PHKA2: variants seen among roughly 807,000 people sequenced by gnomAD.
PHKA2 encodes the protein phosphorylase kinase regulatory subunit alpha 2, also known as phosphorylase b kinase regulatory subunit alpha, liver isoform.
In PHKA2, 31 loss-of-function variants were observed where a neutral mutation model predicts 102.0. That is an observed-to-expected ratio of 0.30 (90% CI 0.23 to 0.41). PHKA2 has a LOEUF of 0.41. Ranked by LOEUF, PHKA2 falls within the 10% of genes least tolerant of loss-of-function variation. The pLI is 1.00. For missense variants in PHKA2, 858 were observed against 1,023.1 expected (o/e 0.84, Z 2.20); for synonymous variants, 455 against 416.2 (o/e 1.09, Z -1.13).
At chrX:18,916,704 T>A (rs2048025321) in intron 19 of PHKA2, among the ~76,000 whole-genome samples, 1 of 111,241 alleles carries the variant, frequency 9.0e-6, no homozygotes, top group South Asian at 3.8e-4. Flanking sequence ...CTGCTCCCCT[T>A]TTGTCTTCCG....
At chrX:18,948,141 C>A (rs1441375843) in intron 5 of PHKA2, among the ~76,000 whole-genome samples, 1 of 111,477 alleles carries the variant, frequency 9.0e-6, no homozygotes, top group Non-Finnish European at 1.9e-5. Flanking sequence ...TCCCCAATAA[C>A]CTATGGAAAT....
At chrX:18,916,145 T>C (rs1202692983) in intron 19 of PHKA2, among the ~76,000 whole-genome samples, 1 of 112,206 alleles carries the variant, frequency 8.9e-6, no homozygotes, top group Non-Finnish European at 1.9e-5. Context: ...CCGGGCACGG[T>C]GGCTCACGCC....
At chrX:18,939,517 G>A (rs764694920) in intron 9 of PHKA2, among the ~76,000 whole-genome samples, 39 of 110,110 alleles carry the variant, frequency 3.5e-4, no homozygotes, top group African/African-American at 1.2e-3. Context: ...TTTTTGAGAC[G>A]GAGTCTCATT....
In PHKA2 at chrX:18,943,798, T is replaced by C; in HGVS notation, c.629A>G (p.Glu210Gly). The change falls in exon 7 of 33, where the codon GAG (glutamate) becomes GGG (glycine). Residue 210 changes from glutamate to glycine, a missense_variant. Glu to Gly is a moderately conservative substitution (Grantham distance 98). Transcript: ENST00000379942. ...SSVGMAKAAL[E>G]AIDELDLFGA... ...AAAAAGGTCCAGTTCATCAATTGCC[T>C]CAAGAGCTGCCTACAAACACAGGTA... 2 of 1,200,036 alleles carry C rather than the reference T, an allele frequency of 1.7e-6. No homozygotes were observed. Among genetic ancestry groups the C allele is most frequent in the Non-Finnish European group, 2.3e-6 (2 of 884,821 alleles).
chrX:18,920,331 T>C (rs778841807), intron 17 of PHKA2, 130 bp from the exon 18 acceptor site: 16 of 518,003 alleles, frequency 3.1e-5, no homozygotes, highest in Non-Finnish European at 3.5e-6. Flanking sequence ...CTCTGCAGAT[T>C]GCCCCATATA....
intron 11 of PHKA2, among the ~76,000 whole-genome samples, chrX:18,935,536 C>A (rs1274542172): frequency 9.0e-6 from 1 of 111,198 alleles, no homozygotes; most frequent in Admixed American, 9.5e-5. Flanking sequence ...CCAGGATACC[C>A]ATGGTCAAGC....
chrX:18,917,337 C>A (rs1175638579), intron 19 of PHKA2, among the ~76,000 whole-genome samples: 1 of 108,225 alleles, frequency 9.2e-6, no homozygotes, highest in African/African-American at 3.4e-5. Flanking sequence ...CAGCTCACTG[C>A]AACCTCTGCT....
chrX:18,894,416 A>C lies in PHKA2; in HGVS notation c.3337-12T>G. On this transcript the variant is annotated splice_polypyrimidine_tract_variant and intron_variant, in intron 31 of 32. Coordinates refer to ENST00000379942, the MANE Select transcript of PHKA2 (RefSeq NM_000292.3). ...TCATGCGGGGTCATCTACCAAAGGGACAGGCAGGCAACCACCAGTGAGAGG... is the reference window on the plus strand; with the variant it reads ...TCATGCGGGGTCATCTACCAAAGGGCCAGGCAGGCAACCACCAGTGAGAGG... The C allele has an allele frequency of 8.4e-7, 1 of 1,192,074 alleles. No individual in the cohort carries two copies. The highest frequency in any genetic ancestry group is 1.1e-6 in the Non-Finnish European group (1 of 880,031).
At chrX:18,933,957 T>C (rs1447392850) in intron 11 of PHKA2, among the ~76,000 whole-genome samples, 1 of 112,364 alleles carries the variant, frequency 8.9e-6, no homozygotes, top group African/African-American at 3.2e-5. Flanking sequence ...GCATTTACTA[T>C]AGTCAGTAAA....
chrX:18,958,611 C>G (rs1411433377), intron 1 of PHKA2, among the ~76,000 whole-genome samples: 1 of 109,265 alleles, frequency 9.2e-6, no homozygotes, highest in African/African-American at 3.3e-5. Flanking sequence ...TCCCTGACTA[C>G]CAGTGAATTT....
intron 7 of PHKA2, among the ~76,000 whole-genome samples, chrX:18,942,458 G>A (rs985791057): frequency 9.0e-6 from 1 of 111,551 alleles, no homozygotes; most frequent in Non-Finnish European, 1.9e-5. Flanking sequence ...CTGAGACTTC[G>A]AGCAGCTAGT....
chrX:18,919,746 A>AG lies in PHKA2; in HGVS notation c.1963+285_1963+286insC, dbSNP rs1471380702. ...ACAACAACAAAAAAAAAAAAAAAAA[A>AG]AGAGAGAGAGAGAAGAAAAAAAAGA... On this transcript the variant is annotated intron_variant, in intron 18 of 32. Transcript: ENST00000379942. Among the ~76,000 whole-genome samples the AG allele has an allele frequency of 1.5e-4, 16 of 103,247 alleles. No homozygotes were observed. The South Asian group carries it at 1.7e-3, about 11-fold the overall frequency. The allele number at this position is 103,247 out of a possible 115,157, so 89.7% of individuals were successfully genotyped here.
intron 20 of PHKA2, among the ~76,000 whole-genome samples, chrX:18,910,283 C>G (rs1484525288): frequency 8.9e-6 from 1 of 111,773 alleles, no homozygotes; most frequent in East Asian, 2.8e-4. Flanking sequence ...AATTCCAGAC[C>G]AGTCTGGGCA....
intron 14 of PHKA2, among the ~76,000 whole-genome samples, 178 bp downstream of exon 14, chrX:18,926,275 C>T (rs1057193689): frequency 1.8e-5 from 2 of 112,675 alleles, no homozygotes; most frequent in African/African-American, 3.2e-5. Flanking sequence ...GCCCACTGAA[C>T]GGGTGTGAGA....
chrX:18,893,395 G>T lies in PHKA2; in HGVS notation c.*90C>A. ...TCTGATGGGACATGCTTTCCTGATA[G>T]CACAGGGGATCTTGGGGGACAGAAG... On this transcript the variant is annotated 3_prime_UTR_variant, in exon 33 of 33. Transcript: ENST00000379942. The T allele has an allele frequency of 2.2e-6, 2 of 915,999 alleles. No individual in the cohort carries two copies. Among genetic ancestry groups the T allele is most frequent in the Non-Finnish European group, 3.2e-6 (2 of 628,166 alleles). The allele number at this position is 915,999 out of a possible 1,213,427, so 75.5% of individuals were successfully genotyped here.
chrX:18,937,302 A>G (rs930533242), intron 10 of PHKA2, among the ~76,000 whole-genome samples: 1 of 111,032 alleles, frequency 9.0e-6, no homozygotes, highest in African/African-American at 3.3e-5. Context: ...CATGGTACCA[A>G]GTAGAAGCTA....
At chrX:18,946,997 T>C (rs2048591296) in intron 5 of PHKA2, among the ~76,000 whole-genome samples, 1 of 109,904 alleles carries the variant, frequency 9.1e-6, no homozygotes, top group Non-Finnish European at 1.9e-5. Context: ...CATCGCCAAA[T>C]GTCTCCTGGG....
intron 19 of PHKA2, among the ~76,000 whole-genome samples, chrX:18,913,692 G>A (rs1461215330): frequency 8.9e-6 from 1 of 111,870 alleles, no homozygotes; most frequent in Non-Finnish European, 1.9e-5. Context: ...CACCACAGCC[G>A]GCCCACAAAA....
chrX:18,960,437 T>A (rs1485348963), intron 1 of PHKA2, among the ~76,000 whole-genome samples: 1 of 111,782 alleles, frequency 8.9e-6, no homozygotes, highest in Non-Finnish European at 1.9e-5. Context: ...GGGCATCTGC[T>A]TCTGGGGAGG....
Sources: gnomAD v4.1 joint callset for allele counts (sites outside exome capture counted in the v4.1 genomes callset) on GRCh38, gnomAD v4.1.1 for gene constraint, MANE v1.5 for transcripts, NCBI Gene and HGNC (gene_info 2026-07-23, HGNC 2026-07-21) for gene names.